Variants in APBB2 observed in about 807,000 individuals in gnomAD.
APBB2 encodes the protein amyloid beta precursor protein binding family B member 2.
Under a neutral mutation model 82.5 loss-of-function variants are expected in APBB2, and 38 were observed. The ratio of observed to expected loss-of-function variants is 0.46; its 90% CI spans 0.36 to 0.60. The LOEUF (loss-of-function observed/expected upper bound fraction) is 0.60, where lower values mean the gene tolerates loss of function less well. Ranked by LOEUF, APBB2 falls within the 20% of genes least tolerant of loss-of-function variation. APBB2 has a pLI of 0.00. For missense variants in APBB2, 772 were observed against 972.3 expected (o/e 0.79, Z 2.74); for synonymous variants, 341 against 368.2 (o/e 0.93, Z 0.85).
chr4:41,158,636 T>C (rs912585569), intron 1 of APBB2, among the ~76,000 whole-genome samples: 18 of 152,224 alleles, frequency 1.2e-4, no homozygotes, highest in African/African-American at 4.1e-4. Flanking sequence ...AGGATGGGAA[T>C]AGTTCAAGGG....
chr4:41,160,944 G>A (rs1764983274), intron 1 of APBB2, among the ~76,000 whole-genome samples: 1 of 152,104 alleles, frequency 6.6e-6, no homozygotes, highest in Non-Finnish European at 1.5e-5. Flanking sequence ...AAGGAAGGAG[G>A]TAGATAAGTA....
intron 1 of APBB2, among the ~76,000 whole-genome samples, chr4:41,168,290 C>CA (rs553430933): frequency 0.087 from 11,733 of 134,138 alleles, 939 homozygotes; most frequent in African/African-American, 0.22. Context: ...CGTCTAAAAA[C>CA]AAAAAAAAAA....
chr4:40,950,138 T>A (rs1281682308), intron 6 of APBB2, among the ~76,000 whole-genome samples: 1 of 152,162 alleles, frequency 6.6e-6, no homozygotes. Flanking sequence ...CACAATAGAT[T>A]TCCTTCCATA....
intron 12 of APBB2, among the ~76,000 whole-genome samples, chr4:40,858,011 C>T (rs141130715): frequency 2.1e-3 from 322 of 152,282 alleles, no homozygotes; most frequent in African/African-American, 7.4e-3. Flanking sequence ...TACACCCCTA[C>T]ACCCTTTTGT....
At chr4:41,196,506 A>G in intron 1 of APBB2, among the ~76,000 whole-genome samples, 5 of 152,100 alleles carry the variant, frequency 3.3e-5, no homozygotes, top group East Asian at 3.8e-4. Flanking sequence ...GAACTTTCCA[A>G]AACAATTTTC....
At chr4:40,930,563 T>G (rs1783979544) in intron 10 of APBB2, among the ~76,000 whole-genome samples, 1 of 152,034 alleles carries the variant, frequency 6.6e-6, no homozygotes, top group African/African-American at 2.4e-5. Context: ...GTGCCCAGAT[T>G]CAGAGTAGTA....
chr4:41,013,490 G>A, intron 6 of APBB2, 93 bp downstream of exon 6: 1 of 1,210,028 alleles, frequency 8.3e-7, no homozygotes, highest in Non-Finnish European at 1.2e-6. Flanking sequence ...TCTGCATAAT[G>A]GACATTTTTG....
intron 7 of APBB2, among the ~76,000 whole-genome samples, chr4:40,938,843 T>C (rs1175050482): frequency 6.6e-6 from 1 of 152,230 alleles, no homozygotes; most frequent in African/African-American, 2.4e-5. Flanking sequence ...TGAATGTCTG[T>C]CCACTACAAA....
intron 6 of APBB2, among the ~76,000 whole-genome samples, chr4:40,952,343 CTTA>C (rs1375297141): frequency 1.2e-4 from 18 of 152,116 alleles, no homozygotes. Context: ...GACTGTCTTC[CTTA>C]TTATACACCG....
At chr4:40,865,047 C>T (rs1359224671) in intron 12 of APBB2, among the ~76,000 whole-genome samples, 2 of 151,844 alleles carry the variant, frequency 1.3e-5, no homozygotes, top group South Asian at 2.1e-4. Context: ...TTAATAGAGA[C>T]GGGTTTTACC....
chr4:40,938,889 T>C (rs1434977527), intron 7 of APBB2, among the ~76,000 whole-genome samples: 1 of 152,224 alleles, frequency 6.6e-6, no homozygotes, highest in Non-Finnish European at 1.5e-5. Flanking sequence ...TGTTGCAGTA[T>C]TCAGAGGTGG....
chr4:40,822,017 G>GCA lies in APBB2; in HGVS notation c.1964_1965dup (p.Arg656CysfsTer58). 1 of 1,614,126 alleles carries GCA rather than the reference G, an allele frequency of 6.2e-7. No individual in the cohort carries two copies. Among genetic ancestry groups the GCA allele is most frequent in the Non-Finnish European group, 8.5e-7 (1 of 1,180,024 alleles). Reference sequence around the variant, plus strand: ...CCAACACCCATGAAGGACAGGAATCGCACACGACATTCCACTAAGACTTCC... The same window carrying GCA: ...CCAACACCCATGAAGGACAGGAATCGCACACACGACATTCCACTAAGACTTCC... On this transcript the variant is annotated frameshift_variant, in exon 17 of 18. Coordinates refer to ENST00000508593, the MANE Select transcript of APBB2 (RefSeq NM_004307.2). LOFTEE classifies it high-confidence loss of function.
chr4:40,928,599 A>C (rs1229897202), intron 10 of APBB2, among the ~76,000 whole-genome samples: 1 of 148,198 alleles, frequency 6.7e-6, no homozygotes, highest in Non-Finnish European at 1.5e-5. Flanking sequence ...TTTTAAAAAA[A>C]ATGTGGCCAG....
At chr4:40,850,806 G>T (rs972637888) in intron 12 of APBB2, among the ~76,000 whole-genome samples, 2 of 152,120 alleles carry the variant, frequency 1.3e-5, no homozygotes, top group Non-Finnish European at 2.9e-5. Context: ...AGCCAGGTGT[G>T]GTGGTGTGTA....
intron 13 of APBB2, among the ~76,000 whole-genome samples, chr4:40,830,158 G>A (rs2437344): frequency 0.61 from 92,486 of 150,422 alleles, 28,709 homozygotes; most frequent in Admixed American, 0.68. Context: ...TACTTAGAGC[G>A]ATGCCTGCCC....
At chr4:40,899,757 T>C (rs1774731869) in intron 10 of APBB2, among the ~76,000 whole-genome samples, 1 of 152,358 alleles carries the variant, frequency 6.6e-6, no homozygotes, top group Middle Eastern at 3.4e-3. Flanking sequence ...GTCCTTTTCC[T>C]TTCTCTGGGC....
intron 10 of APBB2, among the ~76,000 whole-genome samples, chr4:40,908,083 A>G (rs1489725755): frequency 1.3e-5 from 2 of 150,310 alleles, no homozygotes; most frequent in Non-Finnish European, 3.0e-5. Context: ...GTGTGTGTGT[A>G]TGTGTCTGTG....
intron 10 of APBB2, among the ~76,000 whole-genome samples, chr4:40,933,437 C>T (rs1187339907): frequency 6.6e-6 from 1 of 152,186 alleles, no homozygotes; most frequent in Admixed American, 6.5e-5. Context: ...ATTGCAACAT[C>T]AGTGTTGGGA....
intron 10 of APBB2, among the ~76,000 whole-genome samples, chr4:40,920,199 A>C (rs1186377737): frequency 6.6e-6 from 1 of 152,086 alleles, no homozygotes; most frequent in Non-Finnish European, 1.5e-5. Context: ...ATAGTGAGTA[A>C]GTTTCACGAG....
Sources: allele counts gnomAD v4.1 joint callset (sites outside exome capture counted in the v4.1 genomes callset), GRCh38; gene constraint gnomAD v4.1.1; transcripts MANE v1.5; gene names NCBI Gene and HGNC (gene_info 2026-07-23, HGNC 2026-07-21).